Variants in NSD3 observed in about 807,000 individuals in gnomAD.
The protein encoded by NSD3 is histone-lysine N-methyltransferase NSD3.
In NSD3, 24 loss-of-function variants were observed where a neutral mutation model predicts 160.8. That is an observed-to-expected ratio of 0.15 (90% CI 0.11 to 0.21). The LOEUF is 0.21. NSD3 is among the 10% of genes least tolerant of loss of function. The pLI, the probability that NSD3 is intolerant of heterozygous loss-of-function variation, is 1.00. For synonymous variants in NSD3, 520 were observed against 600.0 expected (o/e 0.87, Z 1.95); for missense variants, 1,157 against 1,735.9 (o/e 0.67, Z 5.93).
chr8:38,356,140 G>A (rs1275612444), intron 1 of NSD3, among the ~76,000 whole-genome samples: 1 of 152,172 alleles, frequency 6.6e-6, no homozygotes, highest in East Asian at 1.9e-4. Flanking sequence ...TCAAGTAAAT[G>A]AAATCACCAC....
chr8:38,345,902 T>G (rs1480069796), intron 2 of NSD3, among the ~76,000 whole-genome samples: 1 of 152,032 alleles, frequency 6.6e-6, no homozygotes. Context: ...AGAGTGAAAC[T>G]CCGTCTCAAA....
At chr8:38,325,654 T>C (rs1040140084) in intron 7 of NSD3, among the ~76,000 whole-genome samples, 1 of 144,058 alleles carries the variant, frequency 6.9e-6, no homozygotes, top group Non-Finnish European at 1.5e-5. Context: ...GGTAGATCGC[T>C]TGAATCCAGG....
chr8:38,288,886 A>G lies in NSD3; in HGVS notation c.3232-130T>C, dbSNP rs760513038. On this transcript the variant is annotated intron_variant, in intron 18 of 23. Coordinates refer to ENST00000317025, the MANE Select transcript of NSD3 (RefSeq NM_023034.2). The surrounding 1 kb of genome is among the most constrained non-coding windows in gnomAD (Gnocchi z 4.5). ...CGAGAAAGGTTGTCTTTCCTGATGA[A>G]TAAGCTGAGATTAATAACCATCTCT... 159 of 1,117,848 alleles carry G rather than the reference A, an allele frequency of 1.4e-4. No individual in the cohort carries two copies. Among genetic ancestry groups the G allele is most frequent in the Non-Finnish European group, 1.9e-4 (150 of 798,634 alleles). The allele number at this position is 1,117,848 out of a possible 1,614,324, so 69.2% of individuals were successfully genotyped here.
At chr8:38,364,454 T>G (rs546084976) in intron 1 of NSD3, among the ~76,000 whole-genome samples, 1 of 152,190 alleles carries the variant, frequency 6.6e-6, no homozygotes, top group Admixed American at 6.5e-5. Context: ...ATCTCTCACA[T>G]AAGCAGAAGA....
chr8:38,326,854 T>A lies in NSD3; in HGVS notation c.1584A>T (p.Gly528=), dbSNP rs200733300. The A allele has an allele frequency of 4.6e-5, 74 of 1,613,554 alleles. 1 individual carries two copies. The East Asian group carries it at 1.5e-3, about 33-fold the overall frequency. The change falls in exon 7 of 24, where the codon GGA becomes GGT. Residue 528 remains glycine, a splice_region_variant and synonymous_variant. Coordinates refer to ENST00000317025, the MANE Select transcript of NSD3 (RefSeq NM_023034.2). ...FIDQFVYSTK[G]IGNKTEISVR... is the part of the protein sequence containing the mutation. The stretch of plus-strand genomic sequence containing the variant: ...CACTTATTTCTGTTTTGTTACCAAT[T>A]CCCTTTAAAATAAGGCAAAAGAAAA...
rs763157327 is a variant in NSD3, at chr8:38,281,529, A to G, written c.3556T>C (p.Leu1186=). 1.5e-5 allele frequency: 24 copies of G among 1,608,320 alleles called. No homozygotes were observed. The highest frequency in any genetic ancestry group is 1.0e-4 in the South Asian group (9 of 89,978). The change falls in exon 20 of 24, where the codon TTG becomes CTG. Residue 1186 remains leucine (L), a synonymous_variant. Coordinates refer to ENST00000317025, the MANE Select transcript of NSD3 (RefSeq NM_023034.2). ...GELIDEEECR[L]RIKRAHENSV... ...TTCTCGTGGGCTCGCTTGATTCGCA[A>G]TCTGCATTCTTCTTCATCAATTAAT... is the stretch of plus-strand genomic sequence containing the variant.
At chr8:38,284,090 A>C (rs1288764651) in intron 19 of NSD3, among the ~76,000 whole-genome samples, 1 of 152,168 alleles carries the variant, frequency 6.6e-6, no homozygotes, top group Non-Finnish European at 1.5e-5. Context: ...GTGACAGGGC[A>C]AGACTGTTTC....
intron 8 of NSD3, chr8:38,320,666 T>C (rs1809777830): frequency 6.6e-6 from 1 of 152,372 alleles, no homozygotes; most frequent in Admixed American, 6.6e-5. Flanking sequence ...ATAAATTAAA[T>C]TGATTTGTTT....
intron 16 of NSD3, among the ~76,000 whole-genome samples, chr8:38,291,008 GT>G (rs1455891117): frequency 1.3e-5 from 2 of 151,988 alleles, no homozygotes; most frequent in South Asian, 2.1e-4. Flanking sequence ...GAAAAGTCAT[GT>G]TTCCCCCCAA....
chr8:38,313,042 C>A (rs556952819), intron 12 of NSD3, among the ~76,000 whole-genome samples: 2 of 152,212 alleles, frequency 1.3e-5, no homozygotes, highest in African/African-American at 4.8e-5. Flanking sequence ...CCAAATAAAA[C>A]GATGTGCAGA....
intron 23 of NSD3, 81 bp downstream of exon 23, chr8:38,276,215 C>A: frequency 6.9e-7 from 1 of 1,452,922 alleles, no homozygotes; most frequent in Non-Finnish European, 9.5e-7. Flanking sequence ...ATTTCCTATC[C>A]CATGGCATGG....
chr8:38,311,877 GC>G (rs1176557354), intron 12 of NSD3, among the ~76,000 whole-genome samples: 1 of 152,098 alleles, frequency 6.6e-6, no homozygotes, highest in Non-Finnish European at 1.5e-5. Flanking sequence ...TTGTCATGAA[GC>G]TTTTCCTCTA....
chr8:38,375,141 A>G (rs1231380416), intron 1 of NSD3, among the ~76,000 whole-genome samples: 1 of 152,226 alleles, frequency 6.6e-6, no homozygotes, highest in African/African-American at 2.4e-5. Context: ...GGTATTATTC[A>G]TGTTTTATCT....
chr8:38,315,476 G>A lies in NSD3; in HGVS notation c.2055C>T (p.Ser685=), dbSNP rs749325626. ...TADADVSDVQ[S]MDSSLSRRGT... ...CTCTTCTCGACAAACTTGAATCCAT[G>A]GACTGCACATCAGAAACGTCTGCAT... Residue 685 remains serine (S), a synonymous_variant, in exon 11 of 24, where the codon TCC becomes TCT. Transcript: ENST00000317025. 3.0e-5 allele frequency: 48 copies of A among 1,611,562 alleles called. No individual in the cohort carries two copies. The highest frequency in any genetic ancestry group is 3.7e-5 in the Non-Finnish European group (44 of 1,179,328).
chr8:38,317,431 G>T lies in NSD3; in HGVS notation c.1856-1389C>A. The T allele has an allele frequency of 9.5e-7, 1 of 1,056,138 alleles. No homozygotes were observed. The highest frequency in any genetic ancestry group is 1.1e-6 in the Non-Finnish European group (1 of 873,564). The allele number at this position is 1,056,138 out of a possible 1,614,324, so 65.4% of individuals were successfully genotyped here. ...AAGGAGTTTTAACAGAGGAACAGGA[G>T]TGCTGTACTGAGAGGCTTTCGAAGG... On this transcript the variant is annotated intron_variant, in intron 9 of 23. Transcript: ENST00000317025. The surrounding 1 kb of genome is among the most constrained non-coding windows in gnomAD (Gnocchi z 5.3).
At position 38,278,341 on chromosome 8, in the gene NSD3, C is replaced by G; in HGVS notation, c.3832G>C (p.Asp1278His). ...NGRTECHCGA[D>H]NCSGFLGVRP... ...ACTCCTAGAAAACCACTGCAGTTAT[C>G]TGCTCCACAGTGGCACTCCGTTCTG... Residue 1278 changes from aspartate to histidine, a missense_variant, in exon 22 of 24, where the codon GAT becomes CAT. Asp to His is a moderately conservative substitution (Grantham distance 81, BLOSUM62 -1). Transcript: ENST00000317025. 1.2e-6 allele frequency: 2 copies of G among 1,614,092 alleles called. No homozygotes were observed. The highest frequency in any genetic ancestry group is 1.7e-6 in the Non-Finnish European group (2 of 1,180,014).
chr8:38,356,139 T>A (rs1459364372), intron 1 of NSD3, among the ~76,000 whole-genome samples: 1 of 152,194 alleles, frequency 6.6e-6, no homozygotes, highest in African/African-American at 2.4e-5. Context: ...TTCAAGTAAA[T>A]GAAATCACCA....
In NSD3 at chr8:38,377,064, T is replaced by A. The variant is rs926221631; in HGVS notation, c.-45+4735A>T. 2.8e-4 allele frequency among the ~76,000 whole-genome samples: 43 copies of A among 152,176 alleles called. 1 individual carries two copies. The highest frequency in any genetic ancestry group is 9.4e-4 in the African/African-American group (39 of 41,454). ...ATTGTTTTTGTTCTTTGTTTTGTTT[T>A]GTTTTTGAGACGGAGTCTCGCTTTG... On this transcript the variant is annotated intron_variant, in intron 1 of 23. Transcript: ENST00000317025.
At chr8:38,276,569 C>T in intron 22 of NSD3, 69 bp from the exon 23 acceptor site, 2 of 1,536,436 alleles carry the variant, frequency 1.3e-6, no homozygotes, top group Non-Finnish European at 1.8e-6. Context: ...ACAGGAAAAC[C>T]CTGCAACCTT....
Sources: gnomAD v4.1 joint callset for allele counts (sites outside exome capture counted in the v4.1 genomes callset) on GRCh38, gnomAD v4.1.1 for gene constraint, Gnocchi (gnomAD v3.1) non-coding constraint, MANE v1.5 for transcripts, NCBI Gene and HGNC (gene_info 2026-07-23, HGNC 2026-07-21) for gene names.